TCOF1: variants seen among roughly 807,000 people sequenced by gnomAD.
TCOF1 encodes treacle protein.
Under a neutral mutation model 149.0 loss-of-function variants are expected in TCOF1, and 33 were observed. The observed-to-expected ratio is 0.22, with a 90% CI of 0.17 to 0.30. The LOEUF (loss-of-function observed/expected upper bound fraction) is 0.30. Among genes scored for constraint, TCOF1 ranks in the 10% least tolerant of loss-of-function variants. TCOF1 has a pLI of 1.00. For synonymous variants in TCOF1, 789 were observed against 738.8 expected, an observed-to-expected ratio of 1.07 and a Z score of -1.10; for missense variants, 1,728 against 1,840.7, an observed-to-expected ratio of 0.94 and a Z score of 1.12.
intron 22 of TCOF1, 101 bp downstream of exon 22, chr5:150,392,891 C>T (rs2151051830): frequency 7.1e-7 from 1 of 1,408,760 alleles, no homozygotes. Flanking sequence ...TCTGGGTCCC[C>T]TCTCTTCACA....
At position 150,399,815 on chromosome 5, in the gene TCOF1, T is replaced by G. The variant is rs1769412929; in HGVS notation, c.*28T>G. On this transcript the variant is annotated 3_prime_UTR_variant, in exon 27 of 27. Transcript: ENST00000643257. ...CATGTGTTTCCTTCCCCTAGGGATT[T>G]CCTAGCCGAGCAGTGGCCATCCCCA... 1 of 153,148 alleles carries G rather than the reference T, an allele frequency of 6.5e-6. No individual in the cohort carries two copies. Among genetic ancestry groups the G allele is most frequent in the Non-Finnish European group, 1.5e-5 (1 of 68,736 alleles). The allele number at this position is 153,148 out of a possible 1,614,324, so 9.5% of individuals were successfully genotyped here.
chr5:150,372,529 C>G (rs149867525), intron 7 of TCOF1, among the ~76,000 whole-genome samples: 9 of 152,234 alleles, frequency 5.9e-5, no homozygotes, highest in Non-Finnish European at 1.3e-4. Context: ...CTTCTCAGGA[C>G]AAACCAGACC....
intron 3 of TCOF1, among the ~76,000 whole-genome samples, chr5:150,365,356 A>G (rs765281546): frequency 6.6e-6 from 1 of 151,400 alleles, no homozygotes; most frequent in Non-Finnish European, 1.5e-5. Context: ...CTGGGATTAC[A>G]GGCATGAGCC....
At chr5:150,395,431 C>T (rs1281000393) in intron 23 of TCOF1, among the ~76,000 whole-genome samples, 1 of 152,190 alleles carries the variant, frequency 6.6e-6, no homozygotes, top group Admixed American at 6.5e-5. Context: ...TCAGCTGCAG[C>T]TTGCCCCAGG....
intron 18 of TCOF1, among the ~76,000 whole-genome samples, chr5:150,389,029 C>A (rs1011295225): frequency 5.3e-5 from 8 of 149,674 alleles, no homozygotes; most frequent in Admixed American, 4.6e-4. Flanking sequence ...TCGCTTGAGC[C>A]CAGGAGTTCA....
At chr5:150,369,637 C>G in intron 6 of TCOF1, 35 bp downstream of exon 6, 1 of 1,611,286 alleles carries the variant, frequency 6.2e-7, no homozygotes, top group Non-Finnish European at 8.5e-7. Context: ...TTGCCCTCTC[C>G]CAGCCTCTAA....
chr5:150,367,934 T>G lies in TCOF1; in HGVS notation c.378+17T>G. 6 of 1,613,892 alleles carry G rather than the reference T, an allele frequency of 3.7e-6. No individual in the cohort carries two copies. Among genetic ancestry groups the G allele is most frequent in the Non-Finnish European group, 5.1e-6 (6 of 1,179,856 alleles). On this transcript the variant is annotated intron_variant, in intron 4 of 26. Coordinates refer to ENST00000643257, the MANE Select transcript of TCOF1 (RefSeq NM_001371623.1). ...AAAGCCAAGGTGAGTGGGACTGCCTTCCAAGCTATTGCCTATGGGATTTAA... is the reference window on the plus strand; with the variant it reads ...AAAGCCAAGGTGAGTGGGACTGCCTGCCAAGCTATTGCCTATGGGATTTAA...
rs978151444 is a variant in TCOF1 at position 150,376,074 on chromosome 5, C to T, written c.1894-8C>T. On this transcript the variant is annotated splice_polypyrimidine_tract_variant and splice_region_variant and intron_variant, in intron 12 of 26. Coordinates refer to ENST00000643257, the MANE Select transcript of TCOF1 (RefSeq NM_001371623.1). ...ACCTTCTCCAGCCTTTCTTTGGTGT[C>T]CCCTCAGGCAAAACCAGCTCTGAAA... is the stretch of plus-strand genomic sequence containing the variant. The T allele has an allele frequency of 6.2e-7, 1 of 1,614,040 alleles. No individual in the cohort carries two copies. The highest frequency in any genetic ancestry group is 8.5e-7 in the Non-Finnish European group (1 of 1,179,900).
chr5:150,368,184 G>T, intron 4 of TCOF1: 1 of 479,142 alleles, frequency 2.1e-6, no homozygotes, highest in Admixed American at 3.4e-5. Context: ...CCTCTTTCAT[G>T]CCTGCGTTCA....
At chr5:150,385,914 G>A (rs1192326114) in intron 17 of TCOF1, among the ~76,000 whole-genome samples, 1 of 152,108 alleles carries the variant, frequency 6.6e-6, no homozygotes, top group African/African-American at 2.4e-5. Context: ...TGTGTATACT[G>A]TGCTTTCCAG....
chr5:150,396,820 G>A lies in TCOF1; in HGVS notation c.4323G>A (p.Lys1441=), dbSNP rs554212945. The A allele has an allele frequency of 2.5e-6, 4 of 1,605,796 alleles. No homozygotes were observed. The highest frequency in any genetic ancestry group is 2.7e-5 in the African/African-American group (2 of 74,936). The change falls in exon 24 of 27, where the codon AAG becomes AAA. Residue 1441 remains lysine, a synonymous_variant. Coordinates refer to ENST00000643257, the MANE Select transcript of TCOF1 (RefSeq NM_001371623.1). ...GGDQSNPKSK[K]EKKKSDKRKK... The stretch of plus-strand genomic sequence containing the variant: ...ATCAAAGCAACCCAAAGAGCAAGAA[G>A]GAGAAGAAGAAATCCGACAAGAGTG...
chr5:150,370,963 A>C (rs1762408332), intron 6 of TCOF1, among the ~76,000 whole-genome samples: 1 of 152,028 alleles, frequency 6.6e-6, no homozygotes, highest in Non-Finnish European at 1.5e-5. Flanking sequence ...CAGCAAGGAG[A>C]GATGGCCTGA....
chr5:150,393,941 G>A (rs889350296), intron 23 of TCOF1: 1 of 316,494 alleles, frequency 3.2e-6, no homozygotes, highest in African/African-American at 2.2e-5. Flanking sequence ...AAGCCAGGAG[G>A]TTGAGGCTAT....
At chr5:150,384,272 TTCTC>T in intron 17 of TCOF1, 2 of 989,994 alleles carry the variant, frequency 2.0e-6, no homozygotes, top group Non-Finnish European at 2.4e-6. Flanking sequence ...ACTCCCTGTA[TTCTC>T]ATTTTTCTGT....
At chr5:150,367,440 T>G (rs1581061731) in intron 3 of TCOF1, 2 of 233,150 alleles carry the variant, frequency 8.6e-6, no homozygotes, top group South Asian at 1.2e-4. Context: ...GCTGGCTGCC[T>G]GCCTGACCAC....
chr5:150,389,841 A>G, intron 18 of TCOF1, 46 bp from the exon 19 acceptor site: 1 of 1,614,014 alleles, frequency 6.2e-7, no homozygotes, highest in Non-Finnish European at 8.5e-7. Flanking sequence ...TGAGGAGGCG[A>G]TGGGGCTTTT....
intron 23 of TCOF1, 183 bp downstream of exon 23, chr5:150,393,735 CAGGTGCAG>C: frequency 1.3e-6 from 1 of 795,626 alleles, no homozygotes; most frequent in Non-Finnish European, 2.0e-6. Context: ...CAGGTGGGGC[CAGGTGCAG>C]TGGCTCATGC....
At chr5:150,377,117 C>T (rs895082368) in intron 14 of TCOF1, among the ~76,000 whole-genome samples, 4 of 152,162 alleles carry the variant, frequency 2.6e-5, no homozygotes, top group Non-Finnish European at 1.5e-5. Context: ...GTGTTCCAGG[C>T]AGAGGAAGCA....
chr5:150,396,729 C>T lies in TCOF1; in HGVS notation c.4232C>T (p.Ser1411Phe). The change falls in exon 24 of 27, where the codon TCC (serine) becomes TTC (phenylalanine). Residue 1411 changes from serine to phenylalanine, a missense_variant. Physicochemically the swap from Ser to Phe is radical, Grantham distance 155. Around this residue, in one of 2 missense-constraint regions of TCOF1, gnomAD observed 1,696 missense variants for 1,765.4 expected, o/e 0.96. Transcript: ENST00000643257. ...AAGAAAGGGAAGGGGTCTCTTGGCTCCCAAGGGGCCAAGGACGAGCCAGAA... is the reference window on the plus strand; with the variant it reads ...AAGAAAGGGAAGGGGTCTCTTGGCTTCCAAGGGGCCAAGGACGAGCCAGAA... The part of the protein sequence containing the change: ...KEKKGKGSLG[S>F]QGAKDEPEEE... The T allele has an allele frequency of 6.2e-7, 1 of 1,612,450 alleles. No homozygotes were observed. The highest frequency in any genetic ancestry group is 1.1e-5 in the South Asian group (1 of 90,896).
Sources: gnomAD v4.1 joint callset for allele counts (sites outside exome capture counted in the v4.1 genomes callset) on GRCh38, gnomAD v4.1.1 for gene constraint, gnomAD v4.1.1 regional missense constraint, MANE v1.5 for transcripts, NCBI Gene and HGNC (gene_info 2026-07-23, HGNC 2026-07-21) for gene names.